The following SUPT3H variants were observed in gnomAD, a reference collection of about 807,000 sequenced individuals.
SUPT3H encodes transcription initiation protein SPT3 homolog.
A neutral mutation model predicts 44.3 loss-of-function variants in SUPT3H; 44 were observed. The observed-to-expected ratio is 0.99, with a 90% CI of 0.78 to 1.28. SUPT3H has a LOEUF of 1.28. SUPT3H is among the 50% of genes most tolerant of loss of function. SUPT3H has a pLI of 0.00. For synonymous variants in SUPT3H, 124 were observed against 125.6 expected, an observed-to-expected ratio of 0.99 and a Z score of 0.09; for missense variants, 380 against 387.1, an observed-to-expected ratio of 0.98 and a Z score of 0.15.
At chr6:45,240,165 AAAG>A (rs1477827017) in intron 2 of SUPT3H, among the ~76,000 whole-genome samples, 1 of 152,192 alleles carries the variant, frequency 6.6e-6, no homozygotes, top group Non-Finnish European at 1.5e-5. Flanking sequence ...GCCAGATGCC[AAAG>A]AAGACATTCT....
intron 10 of SUPT3H, among the ~76,000 whole-genome samples, chr6:44,852,254 T>C (rs1222762006): frequency 6.6e-6 from 1 of 152,200 alleles, no homozygotes; most frequent in Non-Finnish European, 1.5e-5. Flanking sequence ...TCCAGTTTGC[T>C]TTCTTTACCT....
At chr6:44,816,903 AAC>A (rs55838871) in intron 11 of SUPT3H, among the ~76,000 whole-genome samples, 30,124 of 139,260 alleles carry the variant, frequency 0.22, 3,768 homozygotes, top group Non-Finnish European at 0.29. Context: ...ATAAAACAAC[AAC>A]AAAAAAAATG....
chr6:45,369,372 G>GA (rs1345860446), intron 1 of SUPT3H, among the ~76,000 whole-genome samples: 1 of 152,046 alleles, frequency 6.6e-6, no homozygotes, highest in Non-Finnish European at 1.5e-5. Flanking sequence ...GTAAACAAAA[G>GA]AAATTCTTTC....
At chr6:45,247,521 A>T (rs1771582739) in intron 2 of SUPT3H, among the ~76,000 whole-genome samples, 1 of 152,156 alleles carries the variant, frequency 6.6e-6, no homozygotes, top group Non-Finnish European at 1.5e-5. Context: ...CCAACCCTTA[A>T]TAAAAAAACT....
chr6:44,983,804 G>C (rs1040576189), intron 6 of SUPT3H, among the ~76,000 whole-genome samples: 1 of 152,156 alleles, frequency 6.6e-6, no homozygotes, highest in Non-Finnish European at 1.5e-5. Flanking sequence ...TTAACTGAAA[G>C]AGCTTGACTG....
At chr6:45,275,247 G>A (rs1305615038) in intron 2 of SUPT3H, among the ~76,000 whole-genome samples, 1 of 152,048 alleles carries the variant, frequency 6.6e-6, no homozygotes, top group Non-Finnish European at 1.5e-5. Context: ...CTAAGATGAA[G>A]GCAATCTTCT....
At chr6:45,281,300 T>C (rs1476188260) in intron 2 of SUPT3H, among the ~76,000 whole-genome samples, 2 of 152,216 alleles carry the variant, frequency 1.3e-5, no homozygotes, top group African/African-American at 2.4e-5. Context: ...AGGCATCGCA[T>C]CACCCGCGAA....
intron 10 of SUPT3H, among the ~76,000 whole-genome samples, chr6:44,929,877 T>C (rs1462257973): frequency 6.6e-6 from 1 of 152,084 alleles, no homozygotes; most frequent in African/African-American, 2.4e-5. Context: ...GAGATAATTT[T>C]TAACTTTAAA....
intron 10 of SUPT3H, among the ~76,000 whole-genome samples, chr6:44,919,403 G>T (rs1768294834): frequency 6.6e-6 from 1 of 151,824 alleles, no homozygotes; most frequent in South Asian, 2.1e-4. Flanking sequence ...CATAATATGT[G>T]GGACTTTCTG....
intron 2 of SUPT3H, among the ~76,000 whole-genome samples, chr6:45,216,072 T>C (rs776554354): frequency 1.3e-5 from 2 of 152,112 alleles, no homozygotes; most frequent in African/African-American, 2.4e-5. Context: ...AAGAATATCA[T>C]ACACAGCAAG....
intron 2 of SUPT3H, among the ~76,000 whole-genome samples, chr6:45,123,164 A>G (rs1015798308): frequency 7.9e-5 from 12 of 152,288 alleles, no homozygotes; most frequent in African/African-American, 2.9e-4. Flanking sequence ...AACCAAGATG[A>G]AAGTCCTCTC....
At chr6:44,864,639 C>T (rs1775199582) in intron 10 of SUPT3H, among the ~76,000 whole-genome samples, 1 of 152,200 alleles carries the variant, frequency 6.6e-6, no homozygotes, top group South Asian at 2.1e-4. Context: ...CCTCTGAAGC[C>T]ATGTCCTGAG....
chr6:45,056,484 A>G (rs537828063), intron 3 of SUPT3H, among the ~76,000 whole-genome samples: 24 of 152,340 alleles, frequency 1.6e-4, no homozygotes, highest in African/African-American at 5.3e-4. Context: ...ACATCATGGA[A>G]TACTCCTCAG....
intron 2 of SUPT3H, among the ~76,000 whole-genome samples, chr6:45,130,780 T>C (rs1189806616): frequency 2.1e-5 from 3 of 143,974 alleles, no homozygotes; most frequent in Non-Finnish European, 4.5e-5. Context: ...GGCAATGGCA[T>C]GATCTCGGCT....
At chr6:45,087,093 T>C (rs907625919) in intron 3 of SUPT3H, among the ~76,000 whole-genome samples, 1 of 151,992 alleles carries the variant, frequency 6.6e-6, no homozygotes, top group Admixed American at 6.6e-5. Context: ...AAGTCTTTTG[T>C]AACCTTGGCT....
intron 9 of SUPT3H, among the ~76,000 whole-genome samples, chr6:44,953,057 C>T (rs541769632): frequency 6.6e-6 from 1 of 152,264 alleles, no homozygotes; most frequent in African/African-American, 2.4e-5. Flanking sequence ...GCAACTATCC[C>T]TTTCAATGAA....
intron 2 of SUPT3H, among the ~76,000 whole-genome samples, chr6:45,238,440 C>T (rs757237207): frequency 6.6e-6 from 1 of 152,166 alleles, no homozygotes; most frequent in Non-Finnish European, 1.5e-5. Context: ...CCTGCCCATG[C>T]CATGAGTAAT....
At chr6:45,328,004 TA>T (rs1323061428) in intron 2 of SUPT3H, among the ~76,000 whole-genome samples, 1 of 151,950 alleles carries the variant, frequency 6.6e-6, no homozygotes, top group Non-Finnish European at 1.5e-5. Flanking sequence ...GGAAAGCCCT[TA>T]ACTGCAGAGC....
chr6:45,227,615 A>G (rs1008930384), intron 2 of SUPT3H, among the ~76,000 whole-genome samples: 1 of 152,224 alleles, frequency 6.6e-6, no homozygotes, highest in Non-Finnish European at 1.5e-5. Flanking sequence ...ACATAATATT[A>G]AACAAAAGGT....
Sources: gnomAD v4.1 joint callset for allele counts (sites outside exome capture counted in the v4.1 genomes callset) on GRCh38, gnomAD v4.1.1 for gene constraint, MANE v1.5 for transcripts, NCBI Gene and HGNC (gene_info 2026-07-23, HGNC 2026-07-21) for gene names.